Variants in NDST2 observed in about 807,000 individuals in gnomAD.
The protein encoded by NDST2 is bifunctional heparan sulfate N-deacetylase/N-sulfotransferase 2.
In NDST2, 32 loss-of-function variants were observed where a neutral mutation model predicts 86.9. The observed-to-expected ratio is 0.37, with a 90% CI of 0.28 to 0.49. The LOEUF is 0.49. Ranked by LOEUF, NDST2 falls within the 20% of genes least tolerant of loss-of-function variation. The pLI, the probability that NDST2 is intolerant of heterozygous loss-of-function variation, is 0.97. For synonymous variants in NDST2, 409 were observed against 437.0 expected (o/e 0.94, Z 0.80); for missense variants, 950 against 1,146.9 (o/e 0.83, Z 2.48).
Position 73,802,358 on chromosome 10 carries a change from G to A in NDST2, c.*93C>T. The A allele has an allele frequency of 6.9e-7, 1 of 1,458,598 alleles. No individual in the cohort carries two copies. The highest frequency in any genetic ancestry group is 1.2e-5 in the South Asian group (1 of 82,654). 90.4% of individuals were successfully genotyped at this position (1,458,598 alleles called of 1,614,324 possible). A position where few individuals can be genotyped will look rare whatever the true frequency, so the allele number is the denominator to read the frequency against. ...GGGGCTACTGAGGTAGAGGGGGAGG[G>A]GCCAGGCCACTCTAATCCCCCTTGT... On this transcript the variant is annotated 3_prime_UTR_variant, in exon 15 of 15. Transcript: ENST00000309979.
Position 73,808,590 on chromosome 10 carries a change from T to C in NDST2, c.-202A>G, listed in dbSNP as rs1260548880. Reference sequence around the variant, plus strand: ...GGTAGAAGGGGAAGCAGGGGGCAACTATACAGAGTCCACTTGTCTCAGGTC... The same window carrying C: ...GGTAGAAGGGGAAGCAGGGGGCAACCATACAGAGTCCACTTGTCTCAGGTC... On this transcript the variant is annotated 5_prime_UTR_variant, in exon 3 of 15. The change creates a new upstream start codon in the 5' untranslated region. Transcript: ENST00000309979. This position sits in a 1 kb window ranked among gnomAD's most constrained non-coding sequence, Gnocchi z 4.3. The C allele has an allele frequency of 5.3e-6, 3 of 565,518 alleles. No individual in the cohort carries two copies. Among genetic ancestry groups the C allele is most frequent in the Non-Finnish European group, 9.3e-6 (3 of 321,746 alleles). The allele number at this position is 565,518 out of a possible 1,614,324, so 35.0% of individuals were successfully genotyped here.
Position 73,804,027 on chromosome 10 carries a change from G to A in NDST2, c.1844-11C>T, listed in dbSNP as rs759977718. 1.2e-6 allele frequency: 2 copies of A among 1,612,182 alleles called. No homozygotes were observed. Among genetic ancestry groups the A allele is most frequent in the South Asian group, 2.2e-5 (2 of 90,872 alleles). ...GAATAGCTGTAGTCCCTAAATGGGA[G>A]AGAAAGACCAGCTTCAGGCAGCCAT... On this transcript the variant is annotated splice_polypyrimidine_tract_variant and intron_variant, in intron 9 of 14. Coordinates refer to ENST00000309979, the MANE Select transcript of NDST2 (RefSeq NM_003635.4).
In NDST2 at chr10:73,806,657, C is replaced by A. The variant is rs1485686365; in HGVS notation, c.1248G>T (p.Leu416=). Residue 416 remains leucine (L), a splice_region_variant and synonymous_variant, in exon 5 of 15, where the codon CTG becomes CTT. Coordinates refer to ENST00000309979, the MANE Select transcript of NDST2 (RefSeq NM_003635.4). This position sits in a 1 kb window ranked among gnomAD's most constrained non-coding sequence, Gnocchi z 4.5. ...DQMRLNKQFA[L]EHGIPTDLGY... is the part of the protein sequence containing the mutation. ...TGGGGAAGAGATCCAAGGGTCTCACCAGAGCAAACTGTTTGTTGAGCCTCA... is the reference window on the plus strand; with the variant it reads ...TGGGGAAGAGATCCAAGGGTCTCACAAGAGCAAACTGTTTGTTGAGCCTCA... 1.2e-6 allele frequency: 2 copies of A among 1,613,372 alleles called. No individual in the cohort carries two copies.
At chr10:73,802,850 C>G in intron 13 of NDST2, 74 bp from the exon 14 acceptor site, 1 of 1,524,998 alleles carries the variant, frequency 6.6e-7, no homozygotes, top group East Asian at 2.3e-5. Context: ...CAATGCCCTT[C>G]CCTGCCCACA....
chr10:73,807,404 T>C lies in NDST2; in HGVS notation c.985A>G (p.Met329Val). ...DIFVGKEGTR[M>V]KVADVEALLT... ...CTGACCTCAACATCAGCCACCTTCA[T>C]GCGGGTCCCTTCCTTGCCCACAAAG... The change falls in exon 3 of 15, where the codon ATG (methionine) becomes GTG (valine). Residue 329 changes from methionine to valine, a missense_variant. Met to Val is a conservative substitution (Grantham distance 21). Transcript: ENST00000309979. 3 of 1,614,176 alleles carry C rather than the reference T, an allele frequency of 1.9e-6. No homozygotes were observed. Among genetic ancestry groups the C allele is most frequent in the Non-Finnish European group, 2.5e-6 (3 of 1,180,008 alleles).
At position 73,804,880 on chromosome 10, in the gene NDST2, G is replaced by T; in HGVS notation, c.1747-11C>A. ...GTCATCACAGGGATTCTGAAGCCAG[G>T]GCCAATAATCAGATAAGGCCTATTT... On this transcript the variant is annotated splice_polypyrimidine_tract_variant and intron_variant, in intron 8 of 14. Transcript: ENST00000309979. The T allele has an allele frequency of 1.3e-6, 2 of 1,574,202 alleles. No homozygotes were observed. The highest frequency in any genetic ancestry group is 1.8e-5 in the Admixed American group (1 of 57,070).
chr10:73,802,442 G>T lies in NDST2; in HGVS notation c.*9C>A. 1 of 1,612,368 alleles carries T rather than the reference G, an allele frequency of 6.2e-7. No homozygotes were observed. Among genetic ancestry groups the T allele is most frequent in the Non-Finnish European group, 8.5e-7 (1 of 1,180,016 alleles). Reference sequence around the variant, plus strand: ...AGGGGGCATTTTGCTGGTATGGGAGGCTGGGACATCAGCCCAGACTGGAAT... The same window carrying T: ...AGGGGGCATTTTGCTGGTATGGGAGTCTGGGACATCAGCCCAGACTGGAAT... On this transcript the variant is annotated 3_prime_UTR_variant, in exon 15 of 15. Coordinates refer to ENST00000309979, the MANE Select transcript of NDST2 (RefSeq NM_003635.4).
rs956571585 is a variant in NDST2, at chr10:73,808,569, G to C, written c.-181C>G. The C allele has an allele frequency of 1.6e-6, 1 of 617,532 alleles. No individual in the cohort carries two copies. The allele number at this position is 617,532 out of a possible 1,614,324, so 38.3% of individuals were successfully genotyped here. On this transcript the variant is annotated 5_prime_UTR_variant, in exon 3 of 15. Transcript: ENST00000309979. This position sits in a 1 kb window ranked among gnomAD's most constrained non-coding sequence, Gnocchi z 4.3. ...CCCTTAGCATAGGGTAGGGGAGGTA[G>C]AAGGGGAAGCAGGGGGCAACTATAC...
At position 73,801,957 on chromosome 10, in the gene NDST2, C is replaced by T. The variant is rs1423446615; in HGVS notation, c.*494G>A. 4 of 386,730 alleles carry T rather than the reference C, an allele frequency of 1.0e-5. No individual in the cohort carries two copies. Among genetic ancestry groups the T allele is most frequent in the African/African-American group, 2.1e-5 (1 of 47,680 alleles). 24.0% of individuals were successfully genotyped at this position (386,730 alleles called of 1,614,324 possible). A position where few individuals can be genotyped will look rare whatever the true frequency, so the allele number is the denominator to read the frequency against. ...TATTAAGGACATTTCTAGCCCACAG[C>T]TAGGGCTCATACTCGGCTCTATGAG... On this transcript the variant is annotated 3_prime_UTR_variant, in exon 15 of 15. Transcript: ENST00000309979. This position sits in a 1 kb window ranked among gnomAD's most constrained non-coding sequence, Gnocchi z 4.9.
rs2084146955 is a variant in NDST2, at chr10:73,808,510, T to C, written c.-122A>G. ...AGGAAAATAGGGGACAGGGATTCCC[T>C]TGGGGAGTTTCCTTTACGAGGTGGA... On this transcript the variant is annotated 5_prime_UTR_variant, in exon 3 of 15. Coordinates refer to ENST00000309979, the MANE Select transcript of NDST2 (RefSeq NM_003635.4). The surrounding 1 kb of genome is among the most constrained non-coding windows in gnomAD (Gnocchi z 4.3). The C allele has an allele frequency of 1.9e-6, 2 of 1,028,088 alleles. No homozygotes were observed. The highest frequency in any genetic ancestry group is 3.2e-5 in the African/African-American group (2 of 61,670). The allele number at this position is 1,028,088 out of a possible 1,614,324, so 63.7% of individuals were successfully genotyped here. A position where few individuals can be genotyped will look rare whatever the true frequency, so the allele number is the denominator to read the frequency against.
Position 73,808,536 on chromosome 10 carries a change from G to T in NDST2, c.-148C>A. The T allele has an allele frequency of 1.3e-6, 1 of 764,194 alleles. No homozygotes were observed. Among genetic ancestry groups the T allele is most frequent in the Non-Finnish European group, 2.0e-6 (1 of 493,658 alleles). 47.3% of individuals were successfully genotyped at this position (764,194 alleles called of 1,614,324 possible). ...TGGGGAGTTTCCTTTACGAGGTGGAGACGAGTCCCCTTAGCATAGGGTAGG... is the reference window on the plus strand; with the variant it reads ...TGGGGAGTTTCCTTTACGAGGTGGATACGAGTCCCCTTAGCATAGGGTAGG... On this transcript the variant is annotated 5_prime_UTR_variant, in exon 3 of 15. Coordinates refer to ENST00000309979, the MANE Select transcript of NDST2 (RefSeq NM_003635.4). This position sits in a 1 kb window ranked among gnomAD's most constrained non-coding sequence, Gnocchi z 4.3.
At chr10:73,805,797 T>C in intron 7 of NDST2, 28 bp from the exon 8 acceptor site, 4 of 1,613,640 alleles carry the variant, frequency 2.5e-6, no homozygotes, top group Non-Finnish European at 3.4e-6. Flanking sequence ...ATGTCAGATT[T>C]GGAGAGCCTA....
Position 73,808,453 on chromosome 10 carries a change from AGGC to A in NDST2, c.-68_-66del. On this transcript the variant is annotated 5_prime_UTR_variant, in exon 3 of 15. Transcript: ENST00000309979. This position sits in a 1 kb window ranked among gnomAD's most constrained non-coding sequence, Gnocchi z 4.3. The stretch of plus-strand genomic sequence containing the variant: ...AGGGGATGGGAGGTAGGAGTTCTAT[AGGC>A]TAGGACTGTCTTGGAAGGGTAGAAG... 1 of 1,437,076 alleles carries A rather than the reference AGGC, an allele frequency of 7.0e-7. No individual in the cohort carries two copies. 89.0% of individuals were successfully genotyped at this position (1,437,076 alleles called of 1,614,324 possible).
In NDST2 at chr10:73,806,997, A is replaced by G; in HGVS notation, c.1093+111T>C. On this transcript the variant is annotated intron_variant, in intron 4 of 14. Coordinates refer to ENST00000309979, the MANE Select transcript of NDST2 (RefSeq NM_003635.4). The surrounding 1 kb of genome is among the most constrained non-coding windows in gnomAD (Gnocchi z 4.5). ...ATGCCCACCACTAGCTCCTCACAGC[A>G]GTCTGACCCCAAACCTTGACCCTTT... 7.1e-7 allele frequency: 1 copy of G among 1,414,422 alleles called. No homozygotes were observed. Among genetic ancestry groups the G allele is most frequent in the Non-Finnish European group, 9.9e-7 (1 of 1,005,060 alleles). The allele number at this position is 1,414,422 out of a possible 1,614,324, so 87.6% of individuals were successfully genotyped here.
rs565985815 is a variant in NDST2 at position 73,809,254 on chromosome 10, C to T, written c.-341-525G>A. Among the ~76,000 whole-genome samples the T allele has an allele frequency of 1.1e-4, 16 of 152,294 alleles. 1 individual carries two copies. In the South Asian group the frequency reaches 2.7e-3, roughly 26 times the overall value. ...CCAATATCACAGCCAACAGCTTTAA[C>T]GAACTTGCAGTCAGGTGGACACTAT... On this transcript the variant is annotated intron_variant, in intron 2 of 14. Transcript: ENST00000309979.
Position 73,806,161 on chromosome 10 carries a change from C to A in NDST2, c.1434+128G>T. 1 of 1,526,008 alleles carries A rather than the reference C, an allele frequency of 6.6e-7. No homozygotes were observed. Among genetic ancestry groups the A allele is most frequent in the Non-Finnish European group, 8.9e-7 (1 of 1,118,052 alleles). 94.5% of individuals were successfully genotyped at this position (1,526,008 alleles called of 1,614,324 possible). A position where few individuals can be genotyped will look rare whatever the true frequency, so the allele number is the denominator to read the frequency against. ...CTTACTGAGGGTGTTAAAATTTTTT[C>A]ACCTTTCTACCCCCAATTATGTACC... On this transcript the variant is annotated intron_variant, in intron 6 of 14. Coordinates refer to ENST00000309979, the MANE Select transcript of NDST2 (RefSeq NM_003635.4). This position sits in a 1 kb window ranked among gnomAD's most constrained non-coding sequence, Gnocchi z 4.5.
rs368820766 is a variant in NDST2, at chr10:73,803,669, C to G, written c.2047G>C (p.Glu683Gln). 2.0e-5 allele frequency: 32 copies of G among 1,614,096 alleles called. No individual in the cohort carries two copies. Among genetic ancestry groups the G allele is most frequent in the Non-Finnish European group, 2.5e-5 (30 of 1,180,038 alleles). Residue 683 changes from glutamate to glutamine, a missense_variant, in exon 11 of 15, where the codon GAA becomes CAA. Physicochemically the swap from Glu to Gln is conservative, Grantham distance 29 (BLOSUM62 2). Coordinates refer to ENST00000309979, the MANE Select transcript of NDST2 (RefSeq NM_003635.4). ...FEKSATYFDS[E>Q]VVPRRGAALL... The stretch of plus-strand genomic sequence containing the variant: ...GCAGCCCCCCGCCGTGGTACAACTT[C>G]AGAGTCAAAGTAGGTGGCACTTTTT...
At chr10:73,809,880 G>T (rs955633395) in intron 2 of NDST2, among the ~76,000 whole-genome samples, 2 of 152,052 alleles carry the variant, frequency 1.3e-5, no homozygotes, top group Non-Finnish European at 2.9e-5. Flanking sequence ...CTACAGCTTT[G>T]CACCACCACA....
At chr10:73,803,519 T>TGGGGGGGGGGGGGGGGGGGGGGGGGGGG in intron 11 of NDST2, 55 bp downstream of exon 11, 1 of 565,898 alleles carries the variant, frequency 1.8e-6, no homozygotes, top group Non-Finnish European at 3.4e-6. Flanking sequence ...GCAGTCACTG[T>TGGGGGGGGGGGGGGGGGGGGGGGGGGGG]CCCCTCCCCC....
Sources: gnomAD v4.1 joint callset for allele counts (sites outside exome capture counted in the v4.1 genomes callset) on GRCh38, gnomAD v4.1.1 for gene constraint, Gnocchi (gnomAD v3.1) non-coding constraint, MANE v1.5 for transcripts, NCBI Gene and HGNC (gene_info 2026-07-23, HGNC 2026-07-21) for gene names.